Variants in RIPOR3 observed in about 807,000 individuals in gnomAD.
RIPOR3 encodes the protein RIPOR family member 3.
Under a neutral mutation model 114.3 loss-of-function variants are expected in RIPOR3, and 95 were observed. The observed-to-expected ratio is 0.83, with a 90% CI of 0.70 to 0.99. The LOEUF (loss-of-function observed/expected upper bound fraction) is 0.99, where lower values mean the gene tolerates loss of function less well. RIPOR3 is among the 50% of genes least tolerant of loss of function. RIPOR3 has a pLI of 0.00. For synonymous variants in RIPOR3, 575 were observed against 543.8 expected, an observed-to-expected ratio of 1.06 and a Z score of -0.80; for missense variants, 1,252 against 1,266.9, an observed-to-expected ratio of 0.99 and a Z score of 0.18.
intron 1 of RIPOR3, among the ~76,000 whole-genome samples, chr20:50,662,922 T>C (rs2086046012): frequency 6.6e-6 from 1 of 152,070 alleles, no homozygotes; most frequent in South Asian, 2.1e-4. Context: ...TGGTGAAACC[T>C]CATCTCTACT....
intron 1 of RIPOR3, among the ~76,000 whole-genome samples, chr20:50,674,871 C>T (rs1025519688): frequency 1.3e-5 from 2 of 151,700 alleles, no homozygotes; most frequent in Admixed American, 6.6e-5. Flanking sequence ...TCACTTGAGG[C>T]CAGGAGTTCA....
At position 50,592,444 on chromosome 20, in the gene RIPOR3, C is replaced by T. The variant is rs2083139814; in HGVS notation, c.2477G>A (p.Arg826Lys). The T allele has an allele frequency of 6.2e-7, 1 of 1,612,558 alleles. No homozygotes were observed. Among genetic ancestry groups the T allele is most frequent in the African/African-American group, 1.3e-5 (1 of 74,926 alleles). ...GTCCAGCTGGAGCAGCGCCCAGGCT[C>T]TTAAGGTCTGGGGCAGAGGCTGGAG... ...GQLQPLPQTLRAWALLQLDGT... is the reference protein window; with the variant it reads ...GQLQPLPQTLKAWALLQLDGT... Residue 826 changes from arginine (R) to lysine (K), a missense_variant, in exon 19 of 22, where the codon AGA (arginine) becomes AAA (lysine). By Grantham distance (26) the Arg-to-Lys change is conservative (BLOSUM62 2). Transcript: ENST00000327979.
intron 11 of RIPOR3, among the ~76,000 whole-genome samples, 153 bp from the exon 12 acceptor site, chr20:50,604,927 T>C (rs979178738): frequency 1.3e-5 from 2 of 152,140 alleles, no homozygotes; most frequent in African/African-American, 4.8e-5. Flanking sequence ...TGCTCTAAAC[T>C]GTTGCTTGTT....
chr20:50,675,203 C>A (rs1487407723), intron 1 of RIPOR3, among the ~76,000 whole-genome samples: 1 of 152,178 alleles, frequency 6.6e-6, no homozygotes, highest in African/African-American at 2.4e-5. Flanking sequence ...TTAGAGTCTT[C>A]AGAGGGAAAG....
chr20:50,639,512 C>CTTCA (rs1300855659), intron 1 of RIPOR3, among the ~76,000 whole-genome samples: 7 of 152,158 alleles, frequency 4.6e-5, no homozygotes, highest in Admixed American at 4.6e-4. Context: ...GGCTGAGGCT[C>CTTCA]GAGATGGAGC....
intron 4 of RIPOR3, 113 bp from the exon 5 acceptor site, chr20:50,611,317 C>A: frequency 7.1e-7 from 1 of 1,406,780 alleles, no homozygotes; most frequent in Non-Finnish European, 9.9e-7. Flanking sequence ...GGACAGAAAG[C>A]CATGTCTACA....
At chr20:50,601,394 G>A (rs1030509668) in intron 13 of RIPOR3, among the ~76,000 whole-genome samples, 17 of 152,002 alleles carry the variant, frequency 1.1e-4, no homozygotes, top group African/African-American at 3.6e-4. Context: ...AGATGGCGCC[G>A]CTACAACTCT....
chr20:50,616,070 A>G lies in RIPOR3; in HGVS notation c.280T>C (p.Cys94Arg), dbSNP rs771123012. ...TGGTCCAGCTCAGCCTGCTGCACAC[A>G]CAGATACTCCCTGCAAGGAAAGCAA... ...ALKRGLKEYL[C>R]VQQAELDHLS... The change falls in exon 4 of 22, where the codon TGT becomes CGT. Residue 94 changes from cysteine to arginine, a missense_variant. Coordinates refer to ENST00000327979, the MANE Select transcript of RIPOR3 (RefSeq NM_001290268.2). 5.0e-6 allele frequency: 8 copies of G among 1,611,804 alleles called. No homozygotes were observed. The highest frequency in any genetic ancestry group is 6.8e-6 in the Non-Finnish European group (8 of 1,179,156).
intron 4 of RIPOR3, 144 bp downstream of exon 4, chr20:50,615,858 C>T: frequency 1.4e-6 from 1 of 719,596 alleles, no homozygotes; most frequent in Non-Finnish European, 2.3e-6. Flanking sequence ...GAAGTTAACT[C>T]AGTGCAACGT....
chr20:50,605,807 A>C (rs1162408588), intron 11 of RIPOR3, among the ~76,000 whole-genome samples: 1 of 152,042 alleles, frequency 6.6e-6, no homozygotes, highest in East Asian at 1.9e-4. Context: ...AAAAAGCAAA[A>C]TAAAACAGGA....
In RIPOR3 at chr20:50,591,822, C is replaced by T. The variant is rs575053258; in HGVS notation, c.2577+522G>A. The stretch of plus-strand genomic sequence containing the variant: ...TATCAAAACACTAAGAAAGGCTGGG[C>T]GCAGTGGCTCACGCCTGTAATCCCA... On this transcript the variant is annotated intron_variant, in intron 19 of 21. Coordinates refer to ENST00000327979, the MANE Select transcript of RIPOR3 (RefSeq NM_001290268.2). Among the ~76,000 whole-genome samples the T allele has an allele frequency of 4.6e-5, 7 of 152,322 alleles. No individual in the cohort carries two copies. In the South Asian group the frequency reaches 1.0e-3, roughly 23 times the overall value.
chr20:50,625,486 A>G (rs948587705), intron 2 of RIPOR3, among the ~76,000 whole-genome samples: 4 of 152,240 alleles, frequency 2.6e-5, no homozygotes, highest in African/African-American at 9.6e-5. Context: ...CTCTGGCTCC[A>G]GAGTCTGTGT....
At chr20:50,627,722 T>C (rs1182784187) in intron 2 of RIPOR3, among the ~76,000 whole-genome samples, 1 of 152,024 alleles carries the variant, frequency 6.6e-6, no homozygotes, top group East Asian at 1.9e-4. Context: ...GGAGGATCAT[T>C]TGAACCAAGG....
intron 19 of RIPOR3, among the ~76,000 whole-genome samples, chr20:50,590,604 G>A (rs1252570504): frequency 3.3e-5 from 5 of 152,210 alleles, no homozygotes; most frequent in African/African-American, 9.6e-5. Context: ...GGGTCCTCCC[G>A]CTCCTCCTAC....
chr20:50,636,742 A>T, intron 1 of RIPOR3: 1 of 985,554 alleles, frequency 1.0e-6, no homozygotes, highest in Non-Finnish European at 1.2e-6. Context: ...TCCGTCCCCA[A>T]GGTGTGGCTG....
chr20:50,616,177 ACGGGGCTCAG>A (rs1300530715), intron 3 of RIPOR3, 97 bp from the exon 4 acceptor site: 2 of 1,281,626 alleles, frequency 1.6e-6, no homozygotes, highest in Admixed American at 2.0e-5. Context: ...GAGAGCAGAC[ACGGGGCTCAG>A]CGGGGCTCAG....
chr20:50,620,057 C>G lies in RIPOR3; in HGVS notation c.198G>C (p.Lys66Asn). Residue 66 changes from lysine to asparagine, a missense_variant, in exon 3 of 22, where the codon AAG (lysine) becomes AAC (asparagine). Lys to Asn is a moderately conservative substitution (Grantham distance 94). Transcript: ENST00000327979. ...GCTTCGGGTCTGCACAGACCGACCC[C>G]TTCCGCAGCGTGCCGTACATCTTGG... The part of the protein sequence containing the change: ...KSSKMYGTLR[K>N]GSVCADPKPQ... 5 of 1,614,208 alleles carry G rather than the reference C, an allele frequency of 3.1e-6. No individual in the cohort carries two copies. Among genetic ancestry groups the G allele is most frequent in the Non-Finnish European group, 4.2e-6 (5 of 1,180,008 alleles).
At chr20:50,607,774 G>A (rs866335599) in intron 11 of RIPOR3, among the ~76,000 whole-genome samples, 1 of 152,176 alleles carries the variant, frequency 6.6e-6, no homozygotes, top group South Asian at 2.1e-4. Flanking sequence ...AGAGAGGAGA[G>A]AGACCAGCCC....
At chr20:50,631,788 C>T (rs2084830922) in intron 1 of RIPOR3, among the ~76,000 whole-genome samples, 1 of 152,242 alleles carries the variant, frequency 6.6e-6, no homozygotes, top group Non-Finnish European at 1.5e-5. Flanking sequence ...GAGAAAATGC[C>T]ACCCTATCCC....
Sources: gnomAD v4.1 joint callset for allele counts (sites outside exome capture counted in the v4.1 genomes callset) on GRCh38, gnomAD v4.1.1 for gene constraint, MANE v1.5 for transcripts, NCBI Gene and HGNC (gene_info 2026-07-23, HGNC 2026-07-21) for gene names.